The following XRCC4 variants were observed in gnomAD, a reference collection of about 807,000 sequenced individuals.
XRCC4 encodes X-ray repair cross complementing 4, also known as DNA repair protein XRCC4.
Under a neutral mutation model 39.1 loss-of-function variants are expected in XRCC4, and 28 were observed. The observed-to-expected ratio is 0.72, with a 90% confidence interval of 0.53 to 0.98. The LOEUF (loss-of-function observed/expected upper bound fraction) is 0.98, where lower values mean the gene tolerates loss of function less well. Ranked by LOEUF, XRCC4 falls within the 50% of genes least tolerant of loss-of-function variation. The pLI, the probability that XRCC4 is intolerant of heterozygous loss-of-function variation, is 0.00. For missense variants in XRCC4, 350 were observed against 376.4 expected, an observed-to-expected ratio of 0.93 and a Z score of 0.58; for synonymous variants, 123 against 126.4, an observed-to-expected ratio of 0.97 and a Z score of 0.18.
chr5:83,077,981 C>G (rs1183873325), intron 1 of XRCC4: 1 of 152,342 alleles, frequency 6.6e-6, no homozygotes, highest in African/African-American at 2.4e-5. Flanking sequence ...TTCCCCAGCA[C>G]TGGCCTGTCC....
chr5:83,269,063 C>CA (rs1754049317), intron 7 of XRCC4, among the ~76,000 whole-genome samples: 1 of 152,112 alleles, frequency 6.6e-6, no homozygotes, highest in Admixed American at 6.6e-5. Context: ...ATGAAAATCT[C>CA]AGTGTTCTCA....
chr5:83,118,044 C>CCG (rs1746819640), intron 3 of XRCC4, among the ~76,000 whole-genome samples: 1 of 118,440 alleles, frequency 8.4e-6, no homozygotes, highest in East Asian at 2.1e-4. Context: ...ATATACATCT[C>CCG]CACACACACA....
chr5:83,178,210 C>T (rs887244673), intron 3 of XRCC4, among the ~76,000 whole-genome samples: 5 of 151,924 alleles, frequency 3.3e-5, no homozygotes, highest in African/African-American at 1.2e-4. Flanking sequence ...GTTTAGTTTT[C>T]GATATGGTAA....
intron 3 of XRCC4, among the ~76,000 whole-genome samples, chr5:83,151,624 A>AC (rs1209050285): frequency 6.6e-6 from 1 of 152,174 alleles, no homozygotes; most frequent in African/African-American, 2.4e-5. Context: ...CCATAATATA[A>AC]TAGCCATATT....
At chr5:83,258,328 A>G (rs1015302302) in intron 6 of XRCC4, among the ~76,000 whole-genome samples, 2 of 152,192 alleles carry the variant, frequency 1.3e-5, no homozygotes, top group East Asian at 1.9e-4. Flanking sequence ...CGTGTGTACA[A>G]TATACATAAT....
chr5:83,148,577 T>C (rs1748564561), intron 3 of XRCC4, among the ~76,000 whole-genome samples: 1 of 152,220 alleles, frequency 6.6e-6, no homozygotes, highest in South Asian at 2.1e-4. Context: ...GAACCAGATA[T>C]GACATCATTC....
chr5:83,125,519 A>T (rs1747216614), intron 3 of XRCC4, among the ~76,000 whole-genome samples: 1 of 152,202 alleles, frequency 6.6e-6, no homozygotes, highest in Admixed American at 6.5e-5. Context: ...TAACACCATT[A>T]GTTGAAAAGA....
At position 83,342,993 on chromosome 5, in the gene XRCC4, G is replaced by T. The variant is rs546405979; in HGVS notation, c.894-10138G>T. Among the ~76,000 whole-genome samples, 12 of 151,726 alleles carry T rather than the reference G, an allele frequency of 7.9e-5. No individual in the cohort carries two copies. In the South Asian group the frequency reaches 1.9e-3, roughly 24 times the overall value. On this transcript the variant is annotated intron_variant, in intron 7 of 7. Transcript: ENST00000396027. ...AATATCAGCAAGTACCTGATATTTT[G>T]ATTTGGCTGTTTTTTAAGGTCATTT...
chr5:83,114,221 A>G (rs543749247), intron 3 of XRCC4, among the ~76,000 whole-genome samples: 1 of 152,194 alleles, frequency 6.6e-6, no homozygotes, highest in East Asian at 1.9e-4. Flanking sequence ...TCCTGTGAAC[A>G]TCTCTGACAT....
intron 3 of XRCC4, among the ~76,000 whole-genome samples, chr5:83,144,128 C>G (rs1748317926): frequency 6.6e-6 from 1 of 152,106 alleles, no homozygotes; most frequent in Non-Finnish European, 1.5e-5. Context: ...TATAGCTTAG[C>G]TCCCACTTGT....
intron 3 of XRCC4, among the ~76,000 whole-genome samples, chr5:83,131,988 C>T (rs1283225822): frequency 6.6e-6 from 1 of 152,256 alleles, no homozygotes; most frequent in South Asian, 2.1e-4. Flanking sequence ...ATGGTCTTTA[C>T]AATTTGGCAT....
chr5:83,230,918 A>AT lies in XRCC4; in HGVS notation c.745+26007dup, dbSNP rs971662415. The stretch of plus-strand genomic sequence containing the variant: ...AAAAATTACCCTCTTATAAGAATTC[A>AT]TTTTTTTTTTGCATAGGGTTGCTCG... On this transcript the variant is annotated intron_variant, in intron 6 of 7. Transcript: ENST00000396027. Among the ~76,000 whole-genome samples the AT allele has an allele frequency of 1.2e-3, 177 of 148,816 alleles. 2 individuals are homozygous for AT. The highest frequency in any genetic ancestry group is 6.9e-3 in the Middle Eastern group (2 of 290).
intron 3 of XRCC4, among the ~76,000 whole-genome samples, chr5:83,174,518 T>A (rs1157757385): frequency 3.9e-5 from 6 of 152,212 alleles, no homozygotes; most frequent in Non-Finnish European, 7.4e-5. Flanking sequence ...GTTACTAAAT[T>A]GTCAAAATAC....
At chr5:83,250,231 C>T (rs1753255438) in intron 6 of XRCC4, among the ~76,000 whole-genome samples, 1 of 152,138 alleles carries the variant, frequency 6.6e-6, no homozygotes, top group Non-Finnish European at 1.5e-5. Context: ...TTATTTTTAA[C>T]TGCAAAATGA....
chr5:83,104,337 T>C (rs1301430938), intron 1 of XRCC4, among the ~76,000 whole-genome samples: 1 of 152,198 alleles, frequency 6.6e-6, no homozygotes, highest in Non-Finnish European at 1.5e-5. Flanking sequence ...TCCTTTCTAA[T>C]TACTGTAATA....
intron 7 of XRCC4, among the ~76,000 whole-genome samples, chr5:83,324,293 A>C (rs1561475681): frequency 6.6e-6 from 1 of 152,136 alleles, no homozygotes; most frequent in South Asian, 2.1e-4. Flanking sequence ...CACACAAACA[A>C]CTTGATGTCT....
chr5:83,301,678 G>A (rs752467660), intron 7 of XRCC4, among the ~76,000 whole-genome samples: 3 of 152,064 alleles, frequency 2.0e-5, no homozygotes, highest in African/African-American at 7.2e-5. Flanking sequence ...GTATTGCCTA[G>A]GTTTTCTTCT....
At chr5:83,256,548 A>G (rs1302780009) in intron 6 of XRCC4, among the ~76,000 whole-genome samples, 3 of 151,884 alleles carry the variant, frequency 2.0e-5, no homozygotes, top group Non-Finnish European at 4.4e-5. Context: ...CAGTTTTGCT[A>G]GTTTTGTTCA....
intron 3 of XRCC4, among the ~76,000 whole-genome samples, chr5:83,151,351 C>T (rs1227553795): frequency 6.6e-6 from 1 of 152,026 alleles, no homozygotes; most frequent in African/African-American, 2.4e-5. Flanking sequence ...GGCTTTCCTC[C>T]TAGTAAAATA....
Sources: allele counts gnomAD v4.1 joint callset (sites outside exome capture counted in the v4.1 genomes callset), GRCh38; gene constraint gnomAD v4.1.1; transcripts MANE v1.5; gene names NCBI Gene and HGNC (gene_info 2026-07-23, HGNC 2026-07-21).